The following SNX29 variants were observed in gnomAD, a reference collection of about 807,000 sequenced individuals.
The protein encoded by SNX29 is sorting nexin-29.
Under a neutral mutation model 102.1 loss-of-function variants are expected in SNX29, and 78 were observed. The ratio of observed to expected loss-of-function variants is 0.76; its 90% CI spans 0.64 to 0.92. The LOEUF (loss-of-function observed/expected upper bound fraction) is 0.92. Among genes scored for constraint, SNX29 ranks in the 40% least tolerant of loss-of-function variants. The pLI, the probability that SNX29 is intolerant of heterozygous loss-of-function variation, is 0.00. For synonymous variants in SNX29, 580 were observed against 414.5 expected (o/e 1.40, Z -4.85); for missense variants, 1,280 against 1,061.7 (o/e 1.21, Z -2.86).
intron 20 of SNX29, among the ~76,000 whole-genome samples, chr16:12,535,548 G>C (rs1392637402): frequency 6.6e-6 from 1 of 152,218 alleles, no homozygotes; most frequent in Non-Finnish European, 1.5e-5. Context: ...TCACAGCTGG[G>C]ACGTGGCAGC....
intron 18 of SNX29, among the ~76,000 whole-genome samples, chr16:12,433,992 T>C (rs62028398): frequency 0.34 from 52,146 of 152,046 alleles, 10,438 homozygotes; most frequent in Non-Finnish European, 0.45. Flanking sequence ...GCCCCCTGTT[T>C]TGAGGTCCTC....
At chr16:12,305,731 T>C (rs1169924638) in intron 15 of SNX29, among the ~76,000 whole-genome samples, 1 of 152,238 alleles carries the variant, frequency 6.6e-6, no homozygotes, top group Non-Finnish European at 1.5e-5. Flanking sequence ...TCCGAAAACT[T>C]CTGAATGGTG....
chr16:12,192,627 T>G (rs943382343), intron 13 of SNX29, among the ~76,000 whole-genome samples: 4 of 152,226 alleles, frequency 2.6e-5, no homozygotes, highest in Admixed American at 1.3e-4. Flanking sequence ...TCCTCCTGCC[T>G]CAGCCTCTGG....
chr16:12,206,140 G>A (rs1412775592), intron 14 of SNX29, among the ~76,000 whole-genome samples: 1 of 152,172 alleles, frequency 6.6e-6, no homozygotes, highest in Non-Finnish European at 1.5e-5. Context: ...ATTATCATGT[G>A]ACCTTGACCC....
chr16:12,277,861 T>G, intron 14 of SNX29, 72 bp from the exon 15 acceptor site: 1 of 1,364,538 alleles, frequency 7.3e-7, no homozygotes, highest in Non-Finnish European at 1.0e-6. Flanking sequence ...AGAAGAATTT[T>G]TTCTTTTTTT....
chr16:12,219,442 G>T (rs542228856), intron 14 of SNX29, among the ~76,000 whole-genome samples: 25 of 152,166 alleles, frequency 1.6e-4, no homozygotes, highest in African/African-American at 6.0e-4. Context: ...TTTATGTCCT[G>T]TTCTACTCTG....
At chr16:12,549,666 T>A (rs942046431) in intron 20 of SNX29, among the ~76,000 whole-genome samples, 1 of 152,194 alleles carries the variant, frequency 6.6e-6, no homozygotes, top group African/African-American at 2.4e-5. Context: ...CTTGAGGCAG[T>A]CCCAAGGCCC....
intron 20 of SNX29, among the ~76,000 whole-genome samples, chr16:12,552,901 G>A (rs903613791): frequency 1.3e-5 from 2 of 152,254 alleles, no homozygotes; most frequent in Non-Finnish European, 2.9e-5. Flanking sequence ...GCAGGAGATA[G>A]GCAAGGGCAG....
At chr16:12,064,076 C>G (rs2050907898) in intron 9 of SNX29, among the ~76,000 whole-genome samples, 1 of 152,046 alleles carries the variant, frequency 6.6e-6, no homozygotes, top group African/African-American at 2.4e-5. Flanking sequence ...TCACCTTGTC[C>G]CGTTCCCCAT....
chr16:12,544,948 C>T (rs528209414), intron 20 of SNX29, among the ~76,000 whole-genome samples: 5 of 152,312 alleles, frequency 3.3e-5, no homozygotes, highest in South Asian at 2.1e-4. Flanking sequence ...ACTGTATTTC[C>T]AGATGAGGAA....
intron 13 of SNX29, among the ~76,000 whole-genome samples, chr16:12,187,413 G>T (rs189723589): frequency 7.9e-5 from 12 of 152,172 alleles, no homozygotes; most frequent in Non-Finnish European, 1.5e-4. Flanking sequence ...AATTAGCCGG[G>T]TGTGCACGCC....
At chr16:12,318,209 C>A (rs1410981679) in intron 15 of SNX29, among the ~76,000 whole-genome samples, 1 of 152,234 alleles carries the variant, frequency 6.6e-6, no homozygotes, top group Non-Finnish European at 1.5e-5. Flanking sequence ...AGCTCATGCA[C>A]ACCTGGGAGC....
At chr16:12,187,807 C>T (rs1219511291) in intron 13 of SNX29, among the ~76,000 whole-genome samples, 1 of 152,158 alleles carries the variant, frequency 6.6e-6, no homozygotes, top group Non-Finnish European at 1.5e-5. Flanking sequence ...GGGTATTCCA[C>T]ACTGGCTTCC....
intron 19 of SNX29, among the ~76,000 whole-genome samples, chr16:12,496,797 A>G (rs1201272614): frequency 1.3e-5 from 2 of 152,100 alleles, no homozygotes; most frequent in African/African-American, 4.8e-5. Flanking sequence ...GGTTCCCTGC[A>G]GGGTTCGGGG....
intron 15 of SNX29, among the ~76,000 whole-genome samples, chr16:12,318,117 T>C (rs1045817901): frequency 6.6e-6 from 1 of 152,218 alleles, no homozygotes; most frequent in Non-Finnish European, 1.5e-5. Flanking sequence ...CCATTTCACA[T>C]GTGAGCCCCC....
At chr16:12,426,842 T>G (rs948770499) in intron 18 of SNX29, among the ~76,000 whole-genome samples, 2 of 152,054 alleles carry the variant, frequency 1.3e-5, no homozygotes, top group African/African-American at 4.8e-5. Flanking sequence ...ATTTTTGTAT[T>G]TTTAGTAGAG....
At chr16:12,078,331 C>T (rs9673557) in intron 10 of SNX29, among the ~76,000 whole-genome samples, 33,064 of 151,768 alleles carry the variant, frequency 0.22, 4,072 homozygotes, top group African/African-American at 0.34. Context: ...AAGAATTAGT[C>T]GGGTGTGGTG....
intron 4 of SNX29, among the ~76,000 whole-genome samples, chr16:12,028,831 C>T (rs1282079438): frequency 6.6e-6 from 1 of 152,132 alleles, no homozygotes; most frequent in African/African-American, 2.4e-5. Context: ...TCAATGCAAC[C>T]TCCGCTTCCT....
chr16:12,378,377 C>T (rs1316856855), intron 16 of SNX29, among the ~76,000 whole-genome samples: 3 of 152,118 alleles, frequency 2.0e-5, no homozygotes, highest in Non-Finnish European at 2.9e-5. Flanking sequence ...AGGCCAGGTG[C>T]GGTGGCTCAT....
Sources: allele counts gnomAD v4.1 joint callset (sites outside exome capture counted in the v4.1 genomes callset), GRCh38; gene constraint gnomAD v4.1.1; transcripts MANE v1.5; gene names NCBI Gene and HGNC (gene_info 2026-07-23, HGNC 2026-07-21).